Variants in FAM135A observed in about 807,000 individuals in gnomAD.
FAM135A encodes protein FAM135A.
A neutral mutation model predicts 146.8 loss-of-function variants in FAM135A; 79 were observed. The observed-to-expected ratio is 0.54, with a 90% CI of 0.45 to 0.65. FAM135A has a LOEUF of 0.65. Ranked by LOEUF, FAM135A falls within the 30% of genes least tolerant of loss-of-function variation. The pLI is 0.00. For synonymous variants in FAM135A, 562 were observed against 603.6 expected (o/e 0.93, Z 1.01); for missense variants, 1,623 against 1,758.2 (o/e 0.92, Z 1.38).
intron 5 of FAM135A, among the ~76,000 whole-genome samples, chr6:70,474,358 G>A (rs1436493601): frequency 6.6e-6 from 1 of 152,062 alleles, no homozygotes; most frequent in Non-Finnish European, 1.5e-5. Flanking sequence ...CTGTTGGAGT[G>A]ACATCAATGA....
chr6:70,477,534 A>G (rs1782861419), intron 8 of FAM135A, among the ~76,000 whole-genome samples: 1 of 152,130 alleles, frequency 6.6e-6, no homozygotes, highest in Non-Finnish European at 1.5e-5. Flanking sequence ...AAGGGGGAGC[A>G]GGCATCTCAC....
In FAM135A at chr6:70,525,186, C is replaced by A. The variant is rs1794435548; in HGVS notation, c.2102C>A (p.Ser701Tyr). 1 of 1,594,174 alleles carries A rather than the reference C, an allele frequency of 6.3e-7. No individual in the cohort carries two copies. The highest frequency in any genetic ancestry group is 8.5e-7 in the Non-Finnish European group (1 of 1,173,334). Residue 701 changes from serine (S) to tyrosine (Y), a missense_variant, in exon 15 of 22, where the codon TCT becomes TAT. Physicochemically the swap from Ser to Tyr is moderately radical, Grantham distance 144. Transcript: ENST00000418814. ...CTACCCAACTTTGAGTCCTTAGAAT[C>A]TAATGGTAAATCTAAATCTATAGAA... ...NLLPNFESLE[S>Y]NGKSKSIEIT...
At chr6:70,550,327 A>G (rs1466015763) in intron 20 of FAM135A, among the ~76,000 whole-genome samples, 5 of 152,198 alleles carry the variant, frequency 3.3e-5, no homozygotes, top group African/African-American at 9.6e-5. Flanking sequence ...ATCACTACCT[A>G]TGGCAGCTAT....
intron 20 of FAM135A, among the ~76,000 whole-genome samples, chr6:70,538,810 A>G (rs531145584): frequency 5.8e-4 from 41 of 70,492 alleles, no homozygotes; most frequent in Middle Eastern, 7.5e-3. Context: ...GTTATGTTAT[A>G]TTATATTATA....
chr6:70,473,017 A>C (rs537884660), intron 5 of FAM135A, among the ~76,000 whole-genome samples: 2 of 152,256 alleles, frequency 1.3e-5, no homozygotes, highest in African/African-American at 4.8e-5. Flanking sequence ...CTTGTTTCTT[A>C]AACTTCAGAT....
intron 5 of FAM135A, among the ~76,000 whole-genome samples, chr6:70,460,020 A>G (rs1345028552): frequency 6.6e-6 from 1 of 152,082 alleles, no homozygotes; most frequent in Non-Finnish European, 1.5e-5. Context: ...ACAGTGTGAG[A>G]CTCCGTCTCA....
chr6:70,486,062 T>C (rs1000832422), intron 10 of FAM135A: 1 of 752,222 alleles, frequency 1.3e-6, no homozygotes, highest in Non-Finnish European at 2.1e-6. Context: ...CTAACTGCAC[T>C]ATCAGATCAA....
At chr6:70,496,257 GTGA>G (rs551297015) in intron 11 of FAM135A, among the ~76,000 whole-genome samples, 58 of 152,318 alleles carry the variant, frequency 3.8e-4, no homozygotes, top group African/African-American at 1.2e-3. Context: ...CTAGTGACCA[GTGA>G]TGATAAGCTT....
intron 4 of FAM135A, among the ~76,000 whole-genome samples, chr6:70,438,917 G>A (rs770534538): frequency 1.8e-4 from 28 of 152,224 alleles, no homozygotes; most frequent in Non-Finnish European, 3.5e-4. Context: ...AGTACTTTGG[G>A]AAGCTGAGGT....
At chr6:70,542,520 A>G (rs1798125938) in intron 20 of FAM135A, among the ~76,000 whole-genome samples, 1 of 152,176 alleles carries the variant, frequency 6.6e-6, no homozygotes, top group Non-Finnish European at 1.5e-5. Flanking sequence ...CTCTACTCTC[A>G]GAATACTCGC....
chr6:70,557,096 C>T, intron 21 of FAM135A: 2 of 566,812 alleles, frequency 3.5e-6, no homozygotes, highest in Non-Finnish European at 6.3e-6. Context: ...ATTTTGCTGC[C>T]TCAGAAGTAG....
intron 4 of FAM135A, among the ~76,000 whole-genome samples, chr6:70,434,229 C>T (rs185804356): frequency 2.6e-5 from 4 of 152,272 alleles, no homozygotes; most frequent in Admixed American, 2.6e-4. Flanking sequence ...GACACAGAAA[C>T]ATTGCTATTT....
At position 70,552,230 on chromosome 6, in the gene FAM135A, ATTAAT is replaced by A. The variant is rs552777486; in HGVS notation, c.4229-4516_4229-4512del. 2.1e-4 allele frequency among the ~76,000 whole-genome samples: 32 copies of A among 152,326 alleles called. 1 individual carries two copies. The South Asian group carries it at 5.8e-3, about 28-fold the overall frequency. On this transcript the variant is annotated intron_variant, in intron 20 of 21. Transcript: ENST00000418814. ...TTCAGAAAGAACAGACATCAGTGAC[ATTAAT>A]TTATACATAATGTATCTTATATAAG...
chr6:70,478,694 T>A (rs1407614101), intron 8 of FAM135A, among the ~76,000 whole-genome samples: 1 of 152,162 alleles, frequency 6.6e-6, no homozygotes, highest in Non-Finnish European at 1.5e-5. Flanking sequence ...AGACATATAT[T>A]TCTCCTGATG....
At chr6:70,505,809 GTGTTT>G (rs1312855447) in intron 12 of FAM135A, among the ~76,000 whole-genome samples, 1 of 151,848 alleles carries the variant, frequency 6.6e-6, no homozygotes, top group African/African-American at 2.4e-5. Flanking sequence ...TTCTCCTTGT[GTGTTT>G]TGTTTTGTTT....
At chr6:70,494,203 C>T (rs1026134507) in intron 11 of FAM135A, among the ~76,000 whole-genome samples, 2 of 151,720 alleles carry the variant, frequency 1.3e-5, no homozygotes, top group East Asian at 1.9e-4. Flanking sequence ...AACTTGAAGC[C>T]GGTACACTAA....
intron 20 of FAM135A, among the ~76,000 whole-genome samples, chr6:70,550,684 G>A (rs1351781315): frequency 1.3e-5 from 2 of 152,070 alleles, no homozygotes; most frequent in Non-Finnish European, 1.5e-5. Flanking sequence ...GGAATGATAA[G>A]TATTGATTTC....
At chr6:70,459,529 C>T (rs1242918164) in intron 5 of FAM135A, among the ~76,000 whole-genome samples, 1 of 152,082 alleles carries the variant, frequency 6.6e-6, no homozygotes, top group Non-Finnish European at 1.5e-5. Context: ...TAGACTTTTA[C>T]AACAGAGAAG....
At chr6:70,428,972 A>G (rs1770832380) in intron 4 of FAM135A, among the ~76,000 whole-genome samples, 1 of 152,216 alleles carries the variant, frequency 6.6e-6, no homozygotes. Flanking sequence ...AAGCAATGTA[A>G]TAACTTCTTG....
Sources: allele counts gnomAD v4.1 joint callset (sites outside exome capture counted in the v4.1 genomes callset), GRCh38; gene constraint gnomAD v4.1.1; transcripts MANE v1.5; gene names NCBI Gene and HGNC (gene_info 2026-07-23, HGNC 2026-07-21).